CHST15: variants seen among roughly 807,000 people sequenced by gnomAD.
CHST15 encodes B cell RAG associated protein (GALNAC4S-6ST).
CHST15 carries 30 observed loss-of-function variants against 53.6 expected under a neutral mutation model. The observed-to-expected ratio is 0.56, with a 90% confidence interval of 0.42 to 0.76. CHST15 has a LOEUF of 0.76. CHST15 is among the 30% of genes least tolerant of loss of function. The pLI is 0.00. For synonymous variants in CHST15, 296 were observed against 289.8 expected, an observed-to-expected ratio of 1.02 and a Z score of -0.22; for missense variants, 627 against 740.5, an observed-to-expected ratio of 0.85 and a Z score of 1.78.
Position 124,008,615 on chromosome 10 carries a change from A to T in CHST15, c.*1534T>A, listed in dbSNP as rs1590165017. The T allele has an allele frequency of 1.9e-6, 2 of 1,034,290 alleles. No individual in the cohort carries two copies. The highest frequency in any genetic ancestry group is 1.7e-4 in the East Asian group (2 of 11,850). The allele number at this position is 1,034,290 out of a possible 1,614,324, so 64.1% of individuals were successfully genotyped here. A position where few individuals can be genotyped will look rare whatever the true frequency, so the allele number is the denominator to read the frequency against. On this transcript the variant is annotated 3_prime_UTR_variant, in exon 8 of 8. Transcript: ENST00000435907. ...GTGTCCCTTCTCTGATGGCAGAAAGACAACACCAGCAGAAAGACGGCTGAA... is the reference window on the plus strand; with the variant it reads ...GTGTCCCTTCTCTGATGGCAGAAAGTCAACACCAGCAGAAAGACGGCTGAA...
intron 1 of CHST15, among the ~76,000 whole-genome samples, chr10:124,086,086 T>C (rs1949413950): frequency 6.6e-6 from 1 of 152,198 alleles, no homozygotes; most frequent in African/African-American, 2.4e-5. Context: ...CCCTGTGAAT[T>C]GCGTTCAACT....
intron 1 of CHST15, among the ~76,000 whole-genome samples, chr10:124,075,959 C>T (rs1029865073): frequency 2.0e-5 from 3 of 152,162 alleles, no homozygotes; most frequent in Admixed American, 2.0e-4. Flanking sequence ...CTCCGGGATC[C>T]AGAATGACAA....
At position 124,044,925 on chromosome 10, in the gene CHST15, AG is replaced by A. The variant is rs1947908462; in HGVS notation, c.547-7del. 1 of 1,437,424 alleles carries A rather than the reference AG, an allele frequency of 7.0e-7. No individual in the cohort carries two copies. The highest frequency in any genetic ancestry group is 1.5e-5 in the South Asian group (1 of 64,896). The allele number at this position is 1,437,424 out of a possible 1,614,324, so 89.0% of individuals were successfully genotyped here. ...TTGGGGATGACTGAAAACATCTGCA[AG>A]GAAACAGAGGAGGAGAGACACAGAG... On this transcript the variant is annotated splice_polypyrimidine_tract_variant and splice_region_variant and intron_variant, in intron 2 of 7. Transcript: ENST00000435907.
At chr10:124,083,645 C>T (rs913676833) in intron 1 of CHST15, among the ~76,000 whole-genome samples, 15 of 152,124 alleles carry the variant, frequency 9.9e-5, no homozygotes, top group African/African-American at 2.2e-4. Context: ...AAAGTTAGGA[C>T]GACACAAAAT....
At position 124,007,997 on chromosome 10, in the gene CHST15, C is replaced by G; in HGVS notation, c.*2152G>C. ...AAGTGCCCTCTGGAGAGAAAGGCCC[C>G]TGGAGGGAAAAACCATGTCTGGATG... On this transcript the variant is annotated 3_prime_UTR_variant, in exon 8 of 8. Transcript: ENST00000435907. The G allele has an allele frequency of 8.1e-7, 1 of 1,231,964 alleles. No individual in the cohort carries two copies. Among genetic ancestry groups the G allele is most frequent in the East Asian group, 3.2e-5 (1 of 31,692 alleles). 76.3% of individuals were successfully genotyped at this position (1,231,964 alleles called of 1,614,324 possible).
At chr10:124,060,445 T>C (rs1380500526) in intron 1 of CHST15, among the ~76,000 whole-genome samples, 1 of 139,488 alleles carries the variant, frequency 7.2e-6, no homozygotes, top group Non-Finnish European at 1.5e-5. Flanking sequence ...TGTGGAGGTG[T>C]GCCAGCCCCA....
At chr10:124,026,863 C>T (rs1947031476) in intron 5 of CHST15, among the ~76,000 whole-genome samples, 1 of 152,204 alleles carries the variant, frequency 6.6e-6, no homozygotes, top group Admixed American at 6.5e-5. Context: ...AGCCTGGTTG[C>T]AGGCAAGGGG....
At chr10:124,038,432 A>C in intron 5 of CHST15, 83 bp downstream of exon 5, 1 of 1,519,058 alleles carries the variant, frequency 6.6e-7, no homozygotes, top group South Asian at 1.2e-5. Context: ...AAGGAGACAA[A>C]ATCTTATTTG....
intron 5 of CHST15, among the ~76,000 whole-genome samples, chr10:124,030,963 G>C (rs35853734): frequency 1.3e-5 from 2 of 152,242 alleles, no homozygotes; most frequent in East Asian, 3.9e-4. Flanking sequence ...TCCAGGCTTA[G>C]GCATCCACAA....
At chr10:124,059,640 C>T (rs1235460205) in intron 1 of CHST15, among the ~76,000 whole-genome samples, 3 of 152,154 alleles carry the variant, frequency 2.0e-5, no homozygotes, top group African/African-American at 4.8e-5. Flanking sequence ...ACACATAGCT[C>T]ACACGTTCAA....
chr10:124,086,250 G>A (rs1456262423), intron 1 of CHST15, among the ~76,000 whole-genome samples: 2 of 152,224 alleles, frequency 1.3e-5, no homozygotes, highest in Non-Finnish European at 2.9e-5. Context: ...TACCAAGTAC[G>A]TACCTAACAG....
At chr10:124,011,995 C>T (rs1011782254) in intron 7 of CHST15, among the ~76,000 whole-genome samples, 1 of 152,182 alleles carries the variant, frequency 6.6e-6, no homozygotes. Flanking sequence ...TCAGCACATA[C>T]CTTACATGAC....
At chr10:124,054,352 A>G (rs934143177) in intron 1 of CHST15, among the ~76,000 whole-genome samples, 2 of 152,276 alleles carry the variant, frequency 1.3e-5, no homozygotes, top group Admixed American at 6.5e-5. Flanking sequence ...TTTAAAGCAC[A>G]CTTGACTCTC....
In CHST15 at chr10:124,012,060, C is replaced by T. The variant is rs558233544; in HGVS notation, c.1495+273G>A. Among the ~76,000 whole-genome samples, 6 of 152,312 alleles carry T rather than the reference C, an allele frequency of 3.9e-5. No individual in the cohort carries two copies. In the South Asian group the frequency reaches 1.0e-3, roughly 26 times the overall value. On this transcript the variant is annotated intron_variant, in intron 7 of 7. Transcript: ENST00000435907. ...TGTCATTCAGTTAGGTGAGCTATGG[C>T]TTCCTCCTCTCCCTTCACTAGACCA...
At chr10:124,059,115 A>G (rs1948476076) in intron 1 of CHST15, among the ~76,000 whole-genome samples, 1 of 152,212 alleles carries the variant, frequency 6.6e-6, no homozygotes, top group Non-Finnish European at 1.5e-5. Context: ...CAGCCACATG[A>G]CAGTAGGCAA....
At chr10:124,062,301 C>A (rs905157024) in intron 1 of CHST15, among the ~76,000 whole-genome samples, 3 of 152,176 alleles carry the variant, frequency 2.0e-5, no homozygotes, top group African/African-American at 7.2e-5. Flanking sequence ...TCATCCCATA[C>A]AGCTGCTGGG....
At chr10:124,063,723 T>C (rs971277291) in intron 1 of CHST15, among the ~76,000 whole-genome samples, 1 of 152,174 alleles carries the variant, frequency 6.6e-6, no homozygotes, top group African/African-American at 2.4e-5. Context: ...CAAAGGCATG[T>C]TCCCCCAGAA....
At chr10:124,042,524 A>C in intron 3 of CHST15, 77 bp from the exon 4 acceptor site, 1 of 1,537,300 alleles carries the variant, frequency 6.5e-7, no homozygotes, top group Non-Finnish European at 8.9e-7. Context: ...GACAGCAACC[A>C]AAGAGAGATG....
chr10:124,058,193 AG>A (rs1312242935), intron 1 of CHST15, among the ~76,000 whole-genome samples: 8 of 152,238 alleles, frequency 5.3e-5, no homozygotes, highest in Non-Finnish European at 1.2e-4. Flanking sequence ...AGGAGCTTAC[AG>A]GGTGTGCCGA....
Sources: allele counts gnomAD v4.1 joint callset (sites outside exome capture counted in the v4.1 genomes callset), GRCh38; gene constraint gnomAD v4.1.1; transcripts MANE v1.5; gene names NCBI Gene and HGNC (gene_info 2026-07-23, HGNC 2026-07-21).